CARD19: variants seen among roughly 807,000 people sequenced by gnomAD.
The protein encoded by CARD19 is caspase recruitment domain family member 19.
Under a neutral mutation model 24.1 loss-of-function variants are expected in CARD19, and 25 were observed. The ratio of observed to expected loss-of-function variants is 1.04; its 90% CI spans 0.76 to 1.45. CARD19 has a LOEUF of 1.45. Among genes scored for constraint, CARD19 ranks in the 40% most tolerant of loss-of-function variants. CARD19 has a pLI of 0.00. For missense variants in CARD19, 241 were observed against 247.4 expected, an observed-to-expected ratio of 0.97 and a Z score of 0.17; for synonymous variants, 103 against 104.9, an observed-to-expected ratio of 0.98 and a Z score of 0.11.
chr9:93,100,115 G>C (rs921973621), intron 1 of CARD19, among the ~76,000 whole-genome samples: 1 of 152,240 alleles, frequency 6.6e-6, no homozygotes, highest in African/African-American at 2.4e-5. Context: ...CAGTCTGTAG[G>C]GTCTGCACAG....
intron 2 of CARD19, among the ~76,000 whole-genome samples, chr9:93,108,046 G>C (rs984303444): frequency 6.6e-6 from 1 of 152,156 alleles, no homozygotes; most frequent in Admixed American, 6.5e-5. Flanking sequence ...TCTGTGCCTC[G>C]GTTTCTTCAT....
chr9:93,101,662 TCTC>T (rs1227108773), intron 1 of CARD19, among the ~76,000 whole-genome samples: 16 of 151,726 alleles, frequency 1.1e-4, no homozygotes, highest in African/African-American at 3.9e-4. Flanking sequence ...ATGGTCTCGA[TCTC>T]CTGACTGCAT....
intron 1 of CARD19, among the ~76,000 whole-genome samples, chr9:93,106,985 A>C (rs957594286): frequency 2.6e-5 from 4 of 151,476 alleles, no homozygotes; most frequent in Non-Finnish European, 5.9e-5. Flanking sequence ...ATGATATTTT[A>C]ATGGTGATTC....
At position 93,111,956 on chromosome 9, in the gene CARD19, C is replaced by T; in HGVS notation, c.364+18C>T. 1.2e-6 allele frequency: 2 copies of T among 1,606,442 alleles called. No homozygotes were observed. The highest frequency in any genetic ancestry group is 1.7e-6 in the Non-Finnish European group (2 of 1,177,284). On this transcript the variant is annotated intron_variant, in intron 4 of 5. Transcript: ENST00000375464. ...TAACAGGGGTAACACCTCCCTGCTGCCCCTCCCTCTCTCTCCCTCTCTCTC... is the reference window on the plus strand; with the variant it reads ...TAACAGGGGTAACACCTCCCTGCTGTCCCTCCCTCTCTCTCCCTCTCTCTC...
intron 2 of CARD19, chr9:93,110,258 G>A (rs1827413521): frequency 3.1e-6 from 1 of 321,134 alleles, no homozygotes; most frequent in Admixed American, 4.5e-5. Flanking sequence ...GCCTCCCAAA[G>A]TGCTGGGATT....
chr9:93,097,261 C>G (rs1373680176), intron 1 of CARD19, among the ~76,000 whole-genome samples: 5 of 152,032 alleles, frequency 3.3e-5, no homozygotes, highest in African/African-American at 4.8e-5. Context: ...TCTCGGTGCT[C>G]GCTCTCTTGA....
chr9:93,111,487 G>A, intron 3 of CARD19: 2 of 1,093,258 alleles, frequency 1.8e-6, no homozygotes, highest in Non-Finnish European at 2.2e-6. Flanking sequence ...ACCCCCTGGA[G>A]GCCTCCCCAC....
intron 3 of CARD19, 91 bp from the exon 4 acceptor site, chr9:93,111,788 G>A (rs2027585): frequency 1.9e-6 from 3 of 1,548,344 alleles, no homozygotes; most frequent in African/African-American, 1.4e-5. Flanking sequence ...GGCCCCAGGA[G>A]GCAGCAGCAA....
At chr9:93,101,634 T>C (rs1445375684) in intron 1 of CARD19, among the ~76,000 whole-genome samples, 2 of 151,362 alleles carry the variant, frequency 1.3e-5, no homozygotes, top group Non-Finnish European at 2.9e-5. Context: ...GAGACTGTGT[T>C]TCACCATGTT....
rs761188713 is a variant in CARD19 at position 93,110,681 on chromosome 9, C to CCCTGCA, written c.265_266insCTGCAC (p.Ala88_Gln89insProAla). On this transcript the variant is annotated inframe_insertion, in exon 3 of 6. Coordinates refer to ENST00000375464, the MANE Select transcript of CARD19 (RefSeq NM_032310.5). The stretch of plus-strand genomic sequence containing the variant: ...TCTACCGAGCCCTGTATATCCATGC[C>CCCTGCA]CAGCCCCTGCACAGCCGCCTGCCCA... The CCCTGCA allele has an allele frequency of 6.8e-6, 11 of 1,613,066 alleles. No individual in the cohort carries two copies. In the East Asian group the frequency reaches 2.2e-4, roughly 33 times the overall value.
chr9:93,111,267 G>A (rs1374131127), intron 3 of CARD19: 2 of 1,159,658 alleles, frequency 1.7e-6, no homozygotes, highest in East Asian at 1.3e-4. Context: ...GTGGACTCAG[G>A]CCCTGGGAGT....
At chr9:93,110,402 C>G in intron 2 of CARD19, 166 bp from the exon 3 acceptor site, 3 of 1,100,224 alleles carry the variant, frequency 2.7e-6, no homozygotes, top group Middle Eastern at 5.1e-4. Context: ...ATGCCAGGCA[C>G]TATGTGGTGT....
intron 2 of CARD19, among the ~76,000 whole-genome samples, chr9:93,108,023 G>A (rs566377767): frequency 1.2e-3 from 190 of 152,348 alleles, no homozygotes; most frequent in African/African-American, 3.9e-3. Flanking sequence ...AACCAGGCTC[G>A]GAACATCAGC....
intron 4 of CARD19, 124 bp downstream of exon 4, chr9:93,112,062 C>T: frequency 7.2e-7 from 1 of 1,379,768 alleles, no homozygotes; most frequent in African/African-American, 1.8e-5. Context: ...TCCTGGCCTT[C>T]TGTTGGTGAC....
At chr9:93,100,259 G>A (rs7020130) in intron 1 of CARD19, among the ~76,000 whole-genome samples, 53,219 of 152,166 alleles carry the variant, frequency 0.35, 12,081 homozygotes, top group African/African-American at 0.64. Flanking sequence ...CTCAAGGAGT[G>A]AACCCAAGAG....
intron 1 of CARD19, among the ~76,000 whole-genome samples, chr9:93,106,420 A>AAAAAAAAAT (rs1554753849): frequency 6.7e-6 from 1 of 148,494 alleles, no homozygotes; most frequent in Non-Finnish European, 1.5e-5. Flanking sequence ...CTACTAAAAA[A>AAAAAAAAAT]AAAAAAAAAA....
chr9:93,097,921 G>T (rs1826940765), intron 1 of CARD19, among the ~76,000 whole-genome samples: 1 of 152,242 alleles, frequency 6.6e-6, no homozygotes, highest in East Asian at 1.9e-4. Context: ...GGGGAACCAA[G>T]GCCCATGGAG....
rs1827579599 is a variant in CARD19 at position 93,113,174 on chromosome 9, G to A, written c.*67G>A. 3 of 940,454 alleles carry A rather than the reference G, an allele frequency of 3.2e-6. No individual in the cohort carries two copies. Among genetic ancestry groups the A allele is most frequent in the Non-Finnish European group, 4.8e-6 (3 of 629,822 alleles). The allele number at this position is 940,454 out of a possible 1,614,324, so 58.3% of individuals were successfully genotyped here. On this transcript the variant is annotated 3_prime_UTR_variant, in exon 6 of 6. Transcript: ENST00000375464. The stretch of plus-strand genomic sequence containing the variant: ...AGTCCTCGAGCCGGCCCGCCAAGGG[G>A]ACTGCTGCTTCTTTTTCTAAATGCA...
intron 1 of CARD19, among the ~76,000 whole-genome samples, chr9:93,107,322 C>T (rs1266103758): frequency 6.6e-6 from 1 of 152,250 alleles, no homozygotes; most frequent in Non-Finnish European, 1.5e-5. Flanking sequence ...ACCTGTGCCA[C>T]CTGTACCTTC....
Sources: gnomAD v4.1 joint callset for allele counts (sites outside exome capture counted in the v4.1 genomes callset) on GRCh38, gnomAD v4.1.1 for gene constraint, MANE v1.5 for transcripts, NCBI Gene and HGNC (gene_info 2026-07-23, HGNC 2026-07-21) for gene names.